Variants in TRPM3 observed in about 807,000 individuals in gnomAD.
TRPM3 encodes long transient receptor potential channel 3.
Under a neutral mutation model 181.2 loss-of-function variants are expected in TRPM3, and 77 were observed. That is an observed-to-expected ratio of 0.42 (90% CI 0.35 to 0.51). The LOEUF is 0.51. TRPM3 is among the 20% of genes least tolerant of loss of function. The pLI, the probability that TRPM3 is intolerant of heterozygous loss-of-function variation, is 0.01. For missense variants in TRPM3, 1,759 were observed against 2,196.7 expected, an observed-to-expected ratio of 0.80 and a Z score of 3.98; for synonymous variants, 745 against 796.4, an observed-to-expected ratio of 0.94 and a Z score of 1.09.
chr9:70,580,873 A>G (rs1246512923), intron 22 of TRPM3, among the ~76,000 whole-genome samples: 2 of 152,172 alleles, frequency 1.3e-5, no homozygotes, highest in East Asian at 3.9e-4. Flanking sequence ...GAAAATATAT[A>G]TCACGCTGAT....
intron 6 of TRPM3, among the ~76,000 whole-genome samples, chr9:70,823,159 C>T (rs1176730729): frequency 1.3e-5 from 2 of 152,190 alleles, no homozygotes; most frequent in Admixed American, 6.5e-5. Context: ...CACATACACA[C>T]ACACGCAAAA....
At chr9:70,886,090 A>G (rs576389393) in intron 1 of TRPM3, among the ~76,000 whole-genome samples, 1 of 152,382 alleles carries the variant, frequency 6.6e-6, no homozygotes, top group Admixed American at 6.5e-5. Context: ...TCAACATTTT[A>G]GAAAACTGCA....
At chr9:70,557,609 T>C (rs1056589746) in intron 22 of TRPM3, among the ~76,000 whole-genome samples, 8 of 152,172 alleles carry the variant, frequency 5.3e-5, no homozygotes, top group Admixed American at 1.3e-4. Flanking sequence ...GAATGTCATA[T>C]AGCACCAACC....
chr9:70,756,196 A>G (rs1429098377), intron 8 of TRPM3, among the ~76,000 whole-genome samples: 1 of 152,128 alleles, frequency 6.6e-6, no homozygotes, highest in Non-Finnish European at 1.5e-5. Context: ...TATAATCCTA[A>G]TCTCTGATAA....
At chr9:70,934,708 T>C (rs2096808773) in intron 1 of TRPM3, among the ~76,000 whole-genome samples, 1 of 152,198 alleles carries the variant, frequency 6.6e-6, no homozygotes, top group Admixed American at 6.5e-5. Context: ...TATAACTACA[T>C]TTCCTTTATT....
At chr9:71,224,143 C>T (rs1588032197) in intron 1 of TRPM3, among the ~76,000 whole-genome samples, 1 of 152,292 alleles carries the variant, frequency 6.6e-6, no homozygotes, top group African/African-American at 2.4e-5. Context: ...GTGGTGGGGC[C>T]ACAGGAATGC....
chr9:70,887,020 A>G (rs1782924447), intron 1 of TRPM3, among the ~76,000 whole-genome samples: 1 of 152,210 alleles, frequency 6.6e-6, no homozygotes, highest in Non-Finnish European at 1.5e-5. Context: ...TAAAATCAAA[A>G]CATATGATGA....
At chr9:70,613,686 T>C (rs933044659) in intron 18 of TRPM3, among the ~76,000 whole-genome samples, 1 of 152,238 alleles carries the variant, frequency 6.6e-6, no homozygotes, top group African/African-American at 2.4e-5. Context: ...TGTTTCTGCC[T>C]GTGGAGAAGA....
chr9:70,602,106 C>CGTTTT (rs778037711), intron 20 of TRPM3, among the ~76,000 whole-genome samples: 5 of 128,204 alleles, frequency 3.9e-5, no homozygotes, highest in Non-Finnish European at 6.4e-5. Flanking sequence ...CAAGGCATTC[C>CGTTTT]TTTTTTTTTT....
At chr9:71,182,107 T>C (rs2077439115) in intron 1 of TRPM3, among the ~76,000 whole-genome samples, 1 of 152,166 alleles carries the variant, frequency 6.6e-6, no homozygotes, top group South Asian at 2.1e-4. Flanking sequence ...CTACATCTTA[T>C]AAGATGAACA....
intron 1 of TRPM3, among the ~76,000 whole-genome samples, chr9:71,116,775 A>C (rs1205029903): frequency 6.6e-6 from 1 of 152,184 alleles, no homozygotes. Flanking sequence ...TACTATGTAA[A>C]ACTCTACATA....
At position 70,749,912 on chromosome 9, in the gene TRPM3, A is replaced by G. The variant is rs116360081; in HGVS notation, c.1272+11689T>C. On this transcript the variant is annotated intron_variant, in intron 8 of 25. Coordinates refer to ENST00000677713, the MANE Select transcript of TRPM3 (RefSeq NM_001366145.2). ...GACCCAGATGTAGATTCAATGGCTAATTATTGAAATCTCTCTTCCTTTCTC... is the reference window on the plus strand; with the variant it reads ...GACCCAGATGTAGATTCAATGGCTAGTTATTGAAATCTCTCTTCCTTTCTC... Among the ~76,000 whole-genome samples, 1,397 of 152,292 alleles carry G rather than the reference A, an allele frequency of 9.2e-3. 18 individuals carry two copies. The highest frequency in any genetic ancestry group is 0.032 in the African/African-American group (1,324 of 41,566).
At chr9:71,402,651 C>T (rs371201818) in intron 1 of TRPM3, among the ~76,000 whole-genome samples, 1 of 152,126 alleles carries the variant, frequency 6.6e-6, no homozygotes, top group African/African-American at 2.4e-5. Flanking sequence ...GTTTATATTG[C>T]ATCATTTCAT....
chr9:71,339,485 A>C (rs2090802298), intron 1 of TRPM3, among the ~76,000 whole-genome samples: 1 of 149,310 alleles, frequency 6.7e-6, no homozygotes, highest in South Asian at 2.1e-4. Flanking sequence ...TTGACAAGCC[A>C]ATGGAACAGA....
At chr9:71,308,803 C>CTTTTTTTTTTTTTTTTTTTTTT (rs1327605516) in intron 1 of TRPM3, among the ~76,000 whole-genome samples, 1 of 151,956 alleles carries the variant, frequency 6.6e-6, no homozygotes, top group Non-Finnish European at 1.5e-5. Context: ...GATTGCCAAT[C>CTTTTTTTTTTTTTTTTTTTTTT]TTTGGGAATG....
intron 1 of TRPM3, among the ~76,000 whole-genome samples, chr9:71,340,402 A>G (rs974116399): frequency 1.3e-5 from 2 of 152,118 alleles, no homozygotes; most frequent in African/African-American, 4.8e-5. Flanking sequence ...TTGAATTACC[A>G]TGTGTTGTGG....
At chr9:71,274,728 C>T (rs1015875182) in intron 1 of TRPM3, among the ~76,000 whole-genome samples, 1 of 152,224 alleles carries the variant, frequency 6.6e-6, no homozygotes, top group East Asian at 1.9e-4. Flanking sequence ...CTTTCGTCTA[C>T]AAACTCATGT....
chr9:70,897,692 G>A (rs1246070435), intron 1 of TRPM3, among the ~76,000 whole-genome samples: 1 of 152,114 alleles, frequency 6.6e-6, no homozygotes, highest in Non-Finnish European at 1.5e-5. Flanking sequence ...CTAGTGGAGG[G>A]AACACTCAGA....
At chr9:71,133,292 C>CTT (rs761379173) in intron 1 of TRPM3, among the ~76,000 whole-genome samples, 10 of 72,306 alleles carry the variant, frequency 1.4e-4, no homozygotes, top group East Asian at 9.7e-4. Context: ...TAGCAAATTG[C>CTT]TTTTTTTTTT....
Sources: gnomAD v4.1 joint callset for allele counts (sites outside exome capture counted in the v4.1 genomes callset) on GRCh38, gnomAD v4.1.1 for gene constraint, MANE v1.5 for transcripts, NCBI Gene and HGNC (gene_info 2026-07-23, HGNC 2026-07-21) for gene names.